Variants in SHROOM3 observed in about 807,000 individuals in gnomAD.
SHROOM3 encodes shroom family member 3, also known as protein Shroom3.
In SHROOM3, 47 loss-of-function variants were observed where a neutral mutation model predicts 138.6. The observed-to-expected ratio is 0.34, with a 90% CI of 0.27 to 0.43. The LOEUF (loss-of-function observed/expected upper bound fraction) is 0.43. SHROOM3 is among the 20% of genes least tolerant of loss of function. The pLI, the probability that SHROOM3 is intolerant of heterozygous loss-of-function variation, is 1.00. For missense variants in SHROOM3, 2,491 were observed against 2,596.5 expected (o/e 0.96, Z 0.88); for synonymous variants, 1,062 against 1,063.3 (o/e 1.00, Z 0.02).
intron 2 of SHROOM3, among the ~76,000 whole-genome samples, chr4:76,610,690 T>C (rs1734742194): frequency 6.6e-6 from 1 of 150,448 alleles, no homozygotes; most frequent in Non-Finnish European, 1.5e-5. Flanking sequence ...CATGATTTCT[T>C]CTGTAATTTG....
chr4:76,441,842 C>T (rs1200604173), intron 1 of SHROOM3, among the ~76,000 whole-genome samples: 1 of 152,206 alleles, frequency 6.6e-6, no homozygotes, highest in African/African-American at 2.4e-5. Flanking sequence ...CCTGCCTCAG[C>T]CTCCCAAGTA....
rs1190932093 is a variant in SHROOM3 at position 76,781,480 on chromosome 4, G to A, written c.*2303G>A. ...AATTGACTCCCACAGCACAGTAACA[G>A]GCAATGCTGCTTGGCATGCCACAAA... On this transcript the variant is annotated 3_prime_UTR_variant, in exon 11 of 11. Coordinates refer to ENST00000296043, the MANE Select transcript of SHROOM3 (RefSeq NM_020859.4). The A allele has an allele frequency of 6.6e-6, 1 of 152,176 alleles. No homozygotes were observed. The highest frequency in any genetic ancestry group is 1.9e-4 in the East Asian group (1 of 5,196). 9.4% of individuals were successfully genotyped at this position (152,176 alleles called of 1,614,324 possible).
At chr4:76,453,154 A>C (rs1421465030) in intron 1 of SHROOM3, among the ~76,000 whole-genome samples, 2 of 152,220 alleles carry the variant, frequency 1.3e-5, no homozygotes, top group Non-Finnish European at 2.9e-5. Flanking sequence ...ATAAAGACCT[A>C]CCTTACTGTT....
Position 76,739,367 on chromosome 4 carries a change from TGAGCGGCCCAGC to T in SHROOM3, c.1195_1206del (p.Glu399_Ser402del). ...ACAGTTACGCAGCATTTCGGCACCGTGAGCGGCCCAGCTCCTGGTCTAGCCTTGATCAGAAAC... is the reference window on the plus strand; with the variant it reads ...ACAGTTACGCAGCATTTCGGCACCGTTCCTGGTCTAGCCTTGATCAGAAAC... On this transcript the variant is annotated inframe_deletion, in exon 5 of 11. Coordinates refer to ENST00000296043, the MANE Select transcript of SHROOM3 (RefSeq NM_020859.4). The T allele has an allele frequency of 6.2e-7, 1 of 1,614,114 alleles. No homozygotes were observed. The highest frequency in any genetic ancestry group is 8.5e-7 in the Non-Finnish European group (1 of 1,180,028).
intron 2 of SHROOM3, among the ~76,000 whole-genome samples, chr4:76,687,114 C>T (rs1207410602): frequency 6.6e-6 from 1 of 152,136 alleles, no homozygotes; most frequent in East Asian, 1.9e-4. Flanking sequence ...ATTTTAATGG[C>T]ATGTGAATCA....
intron 2 of SHROOM3, 165 bp from the exon 3 acceptor site, chr4:76,709,991 C>G (rs976440700): frequency 1.4e-5 from 11 of 760,224 alleles, no homozygotes; most frequent in Non-Finnish European, 2.2e-5. Flanking sequence ...CTTCGTAGGG[C>G]AGAGAACTTT....
At chr4:76,669,662 T>C (rs889040839) in intron 2 of SHROOM3, among the ~76,000 whole-genome samples, 3 of 152,052 alleles carry the variant, frequency 2.0e-5, no homozygotes, top group Non-Finnish European at 4.4e-5. Context: ...TTAAATAAAC[T>C]TTTTGCTTAA....
intron 2 of SHROOM3, among the ~76,000 whole-genome samples, chr4:76,690,233 G>T (rs1719481636): frequency 6.6e-6 from 1 of 152,120 alleles, no homozygotes; most frequent in Admixed American, 6.5e-5. Context: ...CCTGACGCTC[G>T]CTTTACTCCG....
chr4:76,758,457 TA>T (rs5859530), intron 8 of SHROOM3: 36,076 of 141,164 alleles, frequency 0.26, 4,501 homozygotes, highest in African/African-American at 0.34. Context: ...CCTGGGGATT[TA>T]AAAAAAAAAA....
chr4:76,705,480 G>C (rs564191593), intron 2 of SHROOM3, among the ~76,000 whole-genome samples: 15 of 152,304 alleles, frequency 9.8e-5, no homozygotes, highest in African/African-American at 3.6e-4. Flanking sequence ...CTGGGTGACA[G>C]AGCAAGACCC....
At chr4:76,661,294 G>T (rs907574289) in intron 2 of SHROOM3, among the ~76,000 whole-genome samples, 2 of 151,224 alleles carry the variant, frequency 1.3e-5, no homozygotes, top group African/African-American at 2.4e-5. Context: ...GCAATGGCGC[G>T]ATCTCGGCTC....
At chr4:76,678,003 TA>T (rs1399410962) in intron 2 of SHROOM3, among the ~76,000 whole-genome samples, 1 of 152,188 alleles carries the variant, frequency 6.6e-6, no homozygotes, top group African/African-American at 2.4e-5. Flanking sequence ...TCTGAAGAGT[TA>T]TCGTGGTGGT....
intron 2 of SHROOM3, among the ~76,000 whole-genome samples, chr4:76,646,225 A>AATATAT (rs371944513): frequency 4.6e-4 from 44 of 96,220 alleles, no homozygotes; most frequent in East Asian, 8.7e-4. Flanking sequence ...ATAATAAATA[A>AATATAT]ATATATATAT....
intron 1 of SHROOM3, among the ~76,000 whole-genome samples, chr4:76,518,727 T>C (rs551092393): frequency 6.6e-6 from 1 of 152,320 alleles, no homozygotes; most frequent in East Asian, 1.9e-4. Flanking sequence ...CCCAAGCCTG[T>C]TCCTGTGTAC....
At chr4:76,612,944 A>C (rs751920835) in intron 2 of SHROOM3, among the ~76,000 whole-genome samples, 5 of 152,214 alleles carry the variant, frequency 3.3e-5, no homozygotes, top group Non-Finnish European at 7.3e-5. Context: ...CCTGTCTCTA[A>C]AGAAAAAATA....
chr4:76,637,811 CAA>C (rs1735542217), intron 2 of SHROOM3, among the ~76,000 whole-genome samples: 2 of 152,196 alleles, frequency 1.3e-5, no homozygotes, highest in African/African-American at 4.8e-5. Context: ...GAACCAAAAC[CAA>C]GGACTCCAGT....
At chr4:76,578,547 T>C (rs1029199765) in intron 2 of SHROOM3, among the ~76,000 whole-genome samples, 2 of 152,220 alleles carry the variant, frequency 1.3e-5, no homozygotes, top group East Asian at 1.9e-4. Context: ...TTTTATTTCT[T>C]TCAGACTTGA....
intron 1 of SHROOM3, among the ~76,000 whole-genome samples, chr4:76,524,238 T>C (rs935470082): frequency 3.3e-5 from 5 of 152,050 alleles, no homozygotes; most frequent in Admixed American, 6.6e-5. Flanking sequence ...GCAGAGATGA[T>C]GAAGGAAGCA....
In SHROOM3 at chr4:76,756,595, G is replaced by A. The variant is rs752331143; in HGVS notation, c.4856G>A (p.Ser1619Asn). The change falls in exon 8 of 11, where the codon AGC (serine) becomes AAC (asparagine). Residue 1619 changes from serine to asparagine, a missense_variant. By Grantham distance (46) the Ser-to-Asn change is conservative (BLOSUM62 1). Around this residue, in one of 4 missense-constraint regions of SHROOM3, gnomAD observed 470 missense variants for 595.0 expected, o/e 0.79. Coordinates refer to ENST00000296043, the MANE Select transcript of SHROOM3 (RefSeq NM_020859.4). ...EAESTPPSFM[S>N]VHAQLAGSLG... ...GAGTCCACACCACCCTCCTTCATGA[G>A]CGTTCACGCCCAACTTGCTGGGTCT... 1 of 1,613,212 alleles carries A rather than the reference G, an allele frequency of 6.2e-7. No individual in the cohort carries two copies. Among genetic ancestry groups the A allele is most frequent in the Non-Finnish European group, 8.5e-7 (1 of 1,179,944 alleles).
Sources: allele counts gnomAD v4.1 joint callset (sites outside exome capture counted in the v4.1 genomes callset), GRCh38; gene constraint gnomAD v4.1.1; regional missense constraint gnomAD v4.1.1; transcripts MANE v1.5; gene names NCBI Gene and HGNC (gene_info 2026-07-23, HGNC 2026-07-21).